HNF1A: variants seen among roughly 807,000 people sequenced by gnomAD.
HNF1A encodes HNF1 homeobox A.
Under a neutral mutation model 62.2 loss-of-function variants are expected in HNF1A, and 21 were observed. That is an observed-to-expected ratio of 0.34 (90% CI 0.24 to 0.49). The LOEUF (loss-of-function observed/expected upper bound fraction) is 0.49. Ranked by LOEUF, HNF1A falls within the 20% of genes least tolerant of loss-of-function variation. The pLI, the probability that HNF1A is intolerant of heterozygous loss-of-function variation, is 0.99. For synonymous variants in HNF1A, 374 were observed against 366.8 expected, an observed-to-expected ratio of 1.02 and a Z score of -0.22; for missense variants, 687 against 832.3, an observed-to-expected ratio of 0.83 and a Z score of 2.15.
At chr12:120,982,457 A>G (rs7979473) in intron 1 of HNF1A, among the ~76,000 whole-genome samples, 87,409 of 150,652 alleles carry the variant, frequency 0.58, 25,345 homozygotes, top group Non-Finnish European at 0.61. Flanking sequence ...TAGCCACGGC[A>G]GGAGGGGGGG....
chr12:121,002,137 G>A lies in HNF1A; in HGVS notation c.*945G>A, dbSNP rs955127942. On this transcript the variant is annotated 3_prime_UTR_variant, in exon 10 of 10. Transcript: ENST00000257555. Reference sequence around the variant, plus strand: ...CAGCAAGGCCCGAGCAGCTGAGCAGGGCCGGGGAACTGGCCAAGCTGAGGT... The same window carrying A: ...CAGCAAGGCCCGAGCAGCTGAGCAGAGCCGGGGAACTGGCCAAGCTGAGGT... 26 of 521,014 alleles carry A rather than the reference G, an allele frequency of 5.0e-5. No individual in the cohort carries two copies. Among genetic ancestry groups the A allele is most frequent in the Non-Finnish European group, 7.1e-5 (19 of 269,382 alleles). 32.3% of individuals were successfully genotyped at this position (521,014 alleles called of 1,614,324 possible). A position where few individuals can be genotyped will look rare whatever the true frequency, so the allele number is the denominator to read the frequency against.
chr12:120,992,583 G>A (rs1188239841), intron 2 of HNF1A, among the ~76,000 whole-genome samples: 2 of 152,088 alleles, frequency 1.3e-5, no homozygotes, highest in Non-Finnish European at 2.9e-5. Context: ...AAAGCATACA[G>A]TTCAATGAAT....
intron 1 of HNF1A, 145 bp downstream of exon 1, chr12:120,979,239 C>A: frequency 1.3e-6 from 1 of 762,352 alleles, no homozygotes; most frequent in Non-Finnish European, 2.2e-6. Flanking sequence ...CCCATGAGAG[C>A]CCAGGGGTCC....
At position 120,997,459 on chromosome 12, in the gene HNF1A, C is replaced by T. The variant is rs749477754; in HGVS notation, c.1310-15C>T. 1 of 1,595,718 alleles carries T rather than the reference C, an allele frequency of 6.3e-7. No individual in the cohort carries two copies. The highest frequency in any genetic ancestry group is 8.5e-7 in the Non-Finnish European group (1 of 1,172,758). ...AACTGGGGGGCCCAGCTGATTCCCTCCCCTTCCACTCCAGGCCTGGCCTCC... is the reference window on the plus strand; with the variant it reads ...AACTGGGGGGCCCAGCTGATTCCCTTCCCTTCCACTCCAGGCCTGGCCTCC... On this transcript the variant is annotated splice_polypyrimidine_tract_variant and intron_variant, in intron 6 of 9. Coordinates refer to ENST00000257555, the MANE Select transcript of HNF1A (RefSeq NM_000545.8).
At chr12:120,987,568 T>G (rs1374843394) in intron 1 of HNF1A, among the ~76,000 whole-genome samples, 1 of 148,714 alleles carries the variant, frequency 6.7e-6, no homozygotes, top group East Asian at 2.0e-4. Flanking sequence ...AGGGTGCAGA[T>G]TTTCAGGAAG....
At chr12:120,997,117 G>C in intron 6 of HNF1A, 1 of 1,404,014 alleles carries the variant, frequency 7.1e-7, no homozygotes, top group South Asian at 1.5e-5. Context: ...CAGAAGCCCA[G>C]TACATAAGAT....
chr12:120,987,814 G>C (rs1045019184), intron 1 of HNF1A, among the ~76,000 whole-genome samples: 2 of 150,020 alleles, frequency 1.3e-5, no homozygotes, highest in African/African-American at 4.9e-5. Flanking sequence ...ATCTATCTAC[G>C]TGTTTGCACC....
In HNF1A at chr12:120,989,030, A is replaced by G. The variant is rs147400498; in HGVS notation, c.524A>G (p.Gln175Arg). ...GTCCGCAAGCAGCGAGAGGTGGCGC[A>G]GCGTAAGTAATGACCCTACCCCGCA... ...WYVRKQREVA[Q>R]QFTHAGQGGL... Residue 175 changes from glutamine (Q) to arginine (R), a missense_variant and splice_region_variant, in exon 2 of 10, where the codon CAG (glutamine) becomes CGG (arginine). This residue lies in a region of HNF1A where 47 missense variants were observed against 52.5 expected (regional missense o/e 0.90). Coordinates refer to ENST00000257555, the MANE Select transcript of HNF1A (RefSeq NM_000545.8). 2.7e-5 allele frequency: 43 copies of G among 1,614,012 alleles called. No homozygotes were observed. In the African/African-American group the frequency reaches 5.2e-4, roughly 20 times the overall value.
At chr12:120,985,482 T>C (rs11065384) in intron 1 of HNF1A, among the ~76,000 whole-genome samples, 104,367 of 143,810 alleles carry the variant, frequency 0.73, 38,246 homozygotes, top group African/African-American at 0.87. Context: ...CCTGTCTCTA[T>C]GAAAAAAAAA....
At chr12:120,984,341 A>AATGAGT (rs56121652) in intron 1 of HNF1A, among the ~76,000 whole-genome samples, 1 of 151,258 alleles carries the variant, frequency 6.6e-6, no homozygotes, top group African/African-American at 2.4e-5. Context: ...AGAGAATGAG[A>AATGAGT]ATGAGAGAGA....
chr12:120,999,296 C>T lies in HNF1A; in HGVS notation c.1530C>T (p.Ala510=). 1 of 1,614,036 alleles carries T rather than the reference C, an allele frequency of 6.2e-7. No individual in the cohort carries two copies. Among genetic ancestry groups the T allele is most frequent in the Non-Finnish European group, 8.5e-7 (1 of 1,180,012 alleles). ...TCTACAGCCACAAGCCCGAGGTGGCCCAGTACACCCACACGGGCCTGCTCC... is the reference window on the plus strand; with the variant it reads ...TCTACAGCCACAAGCCCGAGGTGGCTCAGTACACCCACACGGGCCTGCTCC... ...HALYSHKPEV[A]QYTHTGLLPQ... Residue 510 remains alanine (A), a synonymous_variant, in exon 8 of 10, where the codon GCC becomes GCT. Transcript: ENST00000257555.
At position 121,001,846 on chromosome 12, in the gene HNF1A, T is replaced by C. The variant is rs886435084; in HGVS notation, c.*654T>C. The C allele has an allele frequency of 5.7e-6, 3 of 528,132 alleles. No individual in the cohort carries two copies. The highest frequency in any genetic ancestry group is 3.9e-5 in the East Asian group (1 of 25,688). 32.7% of individuals were successfully genotyped at this position (528,132 alleles called of 1,614,324 possible). ...ACAGGGAAGGCAGGCAGGGCTCTCC[T>C]GGCTTCCCATCCCCAGCGATTCCCT... On this transcript the variant is annotated 3_prime_UTR_variant, in exon 10 of 10. Transcript: ENST00000257555.
intron 1 of HNF1A, among the ~76,000 whole-genome samples, chr12:120,986,729 G>A (rs1016189226): frequency 6.6e-6 from 1 of 152,176 alleles, no homozygotes; most frequent in African/African-American, 2.4e-5. Flanking sequence ...ACAGGCACCT[G>A]CCACAATATC....
At chr12:120,985,483 GAAA>G (rs111934888) in intron 1 of HNF1A, among the ~76,000 whole-genome samples, 1 of 127,064 alleles carries the variant, frequency 7.9e-6, no homozygotes. Context: ...CTGTCTCTAT[GAAA>G]AAAAAAAAAT....
In HNF1A at chr12:120,978,759, C is replaced by T; in HGVS notation, c.-10C>T. On this transcript the variant is annotated 5_prime_UTR_variant, in exon 1 of 10. Transcript: ENST00000257555. ...GGACCCGGGCCGCGTGGCCCTGTGG[C>T]AGCCGAGCCATGGTTTCTAAACTGA... 6.2e-7 allele frequency: 1 copy of T among 1,612,316 alleles called. No individual in the cohort carries two copies. Among genetic ancestry groups the T allele is most frequent in the Non-Finnish European group, 8.5e-7 (1 of 1,179,656 alleles).
intron 1 of HNF1A, among the ~76,000 whole-genome samples, chr12:120,985,921 G>A (rs1418142419): frequency 1.3e-5 from 2 of 151,692 alleles, no homozygotes; most frequent in Non-Finnish European, 2.9e-5. Context: ...GGAATCAGAG[G>A]TTGCAGTGAG....
In HNF1A at chr12:120,997,637, C is replaced by G. The variant is rs761289697; in HGVS notation, c.1473C>G (p.Ala491=). ...QSHVTQSPFM[A]TMAQLQSPHA... ...ATGTGACCCAGAGCCCCTTCATGGCCACCATGGCTCAGCTGCAGAGCCCCC... is the reference window on the plus strand; with the variant it reads ...ATGTGACCCAGAGCCCCTTCATGGCGACCATGGCTCAGCTGCAGAGCCCCC... The change falls in exon 7 of 10, where the codon GCC becomes GCG. Residue 491 remains alanine, a synonymous_variant. Transcript: ENST00000257555. 1.2e-6 allele frequency: 2 copies of G among 1,612,782 alleles called. No homozygotes were observed. Among genetic ancestry groups the G allele is most frequent in the African/African-American group, 2.7e-5 (2 of 75,050 alleles).
At chr12:120,995,545 C>G (rs1442343561) in intron 4 of HNF1A, among the ~76,000 whole-genome samples, 10 of 152,070 alleles carry the variant, frequency 6.6e-5, no homozygotes, top group Non-Finnish European at 8.8e-5. Flanking sequence ...TATACCATTC[C>G]ACTCCACTCT....
At position 121,002,469 on chromosome 12, in the gene HNF1A, G is replaced by A. The variant is rs1163097438; in HGVS notation, c.*1277G>A. On this transcript the variant is annotated 3_prime_UTR_variant, in exon 10 of 10. Transcript: ENST00000257555. ...TGTAGCCAGCCGGGGCGAGTGGCACGTTTATTTAACTTTTAGTAAAGTCAA... is the reference window on the plus strand; with the variant it reads ...TGTAGCCAGCCGGGGCGAGTGGCACATTTATTTAACTTTTAGTAAAGTCAA... The A allele has an allele frequency of 1.1e-5, 6 of 523,918 alleles. No homozygotes were observed. The highest frequency in any genetic ancestry group is 1.9e-5 in the Non-Finnish European group (5 of 268,762). 32.5% of individuals were successfully genotyped at this position (523,918 alleles called of 1,614,324 possible). A position where few individuals can be genotyped will look rare whatever the true frequency, so the allele number is the denominator to read the frequency against.
Sources: gnomAD v4.1 joint callset for allele counts (sites outside exome capture counted in the v4.1 genomes callset) on GRCh38, gnomAD v4.1.1 for gene constraint, gnomAD v4.1.1 regional missense constraint, MANE v1.5 for transcripts, NCBI Gene and HGNC (gene_info 2026-07-23, HGNC 2026-07-21) for gene names.